The following CALCRL variants were observed in gnomAD, a reference collection of about 807,000 sequenced individuals.
The protein encoded by CALCRL is calcitonin receptor like receptor.
In CALCRL, 27 loss-of-function variants were observed where a neutral mutation model predicts 60.4. That is an observed-to-expected ratio of 0.45 (90% CI 0.33 to 0.62). The LOEUF (loss-of-function observed/expected upper bound fraction) is 0.62. Among genes scored for constraint, CALCRL ranks in the 20% least tolerant of loss-of-function variants. The pLI, the probability that CALCRL is intolerant of heterozygous loss-of-function variation, is 0.03. For missense variants in CALCRL, 424 were observed against 540.7 expected (o/e 0.78, Z 2.14); for synonymous variants, 190 against 182.6 (o/e 1.04, Z -0.33).
At chr2:187,394,251 T>C (rs916126525) in intron 1 of CALCRL, among the ~76,000 whole-genome samples, 28 of 152,138 alleles carry the variant, frequency 1.8e-4, no homozygotes, top group African/African-American at 6.0e-4. Flanking sequence ...CCACAAGGAA[T>C]TGAATTCTGC....
chr2:187,389,430 T>C lies in CALCRL; in HGVS notation c.-292-1674A>G, dbSNP rs113652788. ...TCTTAGTATGAATGAAGATAGATAG[T>C]AACAAGTTAATGTGGCAAACTCAAC... On this transcript the variant is annotated intron_variant, in intron 1 of 14. Transcript: ENST00000392370. Among the ~76,000 whole-genome samples, 569 of 152,208 alleles carry C rather than the reference T, an allele frequency of 3.7e-3. 5 individuals carry two copies. The highest frequency in any genetic ancestry group is 0.013 in the African/African-American group (545 of 41,536).
intron 9 of CALCRL, among the ~76,000 whole-genome samples, chr2:187,362,692 T>C (rs1004016349): frequency 6.6e-6 from 1 of 152,176 alleles, no homozygotes. Flanking sequence ...ATTTTACATA[T>C]GCATATAGCT....
intron 8 of CALCRL, among the ~76,000 whole-genome samples, chr2:187,371,078 T>C (rs1687497548): frequency 1.3e-5 from 2 of 151,928 alleles, no homozygotes; most frequent in African/African-American, 4.8e-5. Context: ...CCGTCTCTAC[T>C]AAAACTACAA....
At chr2:187,366,247 C>A (rs113228294) in intron 8 of CALCRL, among the ~76,000 whole-genome samples, 18,064 of 36,008 alleles carry the variant, frequency 0.5, 1,693 homozygotes, top group East Asian at 0.55. Context: ...GAGACTCCGT[C>A]TCAAAAAAAA....
chr2:187,420,799 T>C (rs868124909), intron 1 of CALCRL, among the ~76,000 whole-genome samples: 1 of 152,162 alleles, frequency 6.6e-6, no homozygotes, highest in African/African-American at 2.4e-5. Flanking sequence ...ACAAATACAG[T>C]AATAATCCAT....
chr2:187,443,339 T>C (rs760672706), intron 1 of CALCRL, among the ~76,000 whole-genome samples: 4 of 151,830 alleles, frequency 2.6e-5, no homozygotes, highest in African/African-American at 9.7e-5. Context: ...TTATTGAATA[T>C]GTACTAAATG....
At chr2:187,401,159 G>A (rs553601610) in intron 1 of CALCRL, among the ~76,000 whole-genome samples, 30 of 151,642 alleles carry the variant, frequency 2.0e-4, no homozygotes, top group African/African-American at 5.8e-4. Flanking sequence ...TGAAGTGTAC[G>A]GGTATAGCTT....
intron 1 of CALCRL, among the ~76,000 whole-genome samples, chr2:187,404,516 T>G (rs1689032155): frequency 6.6e-6 from 1 of 151,480 alleles, no homozygotes; most frequent in East Asian, 1.9e-4. Flanking sequence ...TTTTTTTTTT[T>G]GTAGAAAACA....
chr2:187,358,398 A>T (rs1410866121), intron 12 of CALCRL, among the ~76,000 whole-genome samples: 1 of 152,036 alleles, frequency 6.6e-6, no homozygotes, highest in Non-Finnish European at 1.5e-5. Context: ...AAAAGCATCG[A>T]ATGTGACTTC....
chr2:187,419,010 C>A (rs1487118427), intron 1 of CALCRL, among the ~76,000 whole-genome samples: 1 of 147,048 alleles, frequency 6.8e-6, no homozygotes, highest in Non-Finnish European at 1.5e-5. Context: ...GCACGCACCA[C>A]CACGTCTGGC....
intron 7 of CALCRL, among the ~76,000 whole-genome samples, 159 bp downstream of exon 7, chr2:187,380,307 TC>T (rs1423334947): frequency 6.6e-6 from 1 of 152,224 alleles, no homozygotes; most frequent in Non-Finnish European, 1.5e-5. Flanking sequence ...AATAATTTTT[TC>T]CACGGATATA....
intron 1 of CALCRL, among the ~76,000 whole-genome samples, chr2:187,440,821 A>G (rs1274415768): frequency 4.6e-5 from 7 of 152,158 alleles, no homozygotes; most frequent in Non-Finnish European, 1.5e-5. Context: ...AACATGGAAC[A>G]TAGAACAGGA....
At chr2:187,357,718 C>T (rs1056088402) in intron 12 of CALCRL, among the ~76,000 whole-genome samples, 5 of 151,304 alleles carry the variant, frequency 3.3e-5, no homozygotes, top group South Asian at 2.1e-4. Context: ...GTGGGTGCAG[C>T]GCACCAGCAT....
rs934127081 is a variant in CALCRL, at chr2:187,360,648, G to A, written c.731C>T (p.Ala244Val). Residue 244 changes from alanine to valine, a missense_variant, in exon 10 of 15, where the codon GCC becomes GTC. Ala to Val is a moderately conservative substitution (Grantham distance 64). Coordinates refer to ENST00000392370, the MANE Select transcript of CALCRL (RefSeq NM_005795.6). ...GIYLHTLIVV[A>V]VFAEKQHLMW... ...TAAATGTTGCTTCTCTGCAAACACG[G>A]CCACCACAATGAGTGTGTGTAGGTA... is the stretch of plus-strand genomic sequence containing the variant. 5 of 1,612,138 alleles carry A rather than the reference G, an allele frequency of 3.1e-6. No homozygotes were observed. The highest frequency in any genetic ancestry group is 1.7e-5 in the Admixed American group (1 of 59,768).
intron 1 of CALCRL, among the ~76,000 whole-genome samples, chr2:187,420,065 G>A (rs1464220888): frequency 6.6e-6 from 1 of 151,970 alleles, no homozygotes; most frequent in Non-Finnish European, 1.5e-5. Flanking sequence ...CAAAACCTAG[G>A]AAATGAAACA....
intron 1 of CALCRL, among the ~76,000 whole-genome samples, chr2:187,393,841 T>C (rs1688551374): frequency 6.6e-6 from 1 of 152,058 alleles, no homozygotes; most frequent in Non-Finnish European, 1.5e-5. Flanking sequence ...AAGCATTTTT[T>C]CAAGTTTCCC....
chr2:187,411,615 A>G (rs995399153), intron 1 of CALCRL, among the ~76,000 whole-genome samples: 2 of 152,160 alleles, frequency 1.3e-5, no homozygotes, highest in Admixed American at 6.6e-5. Flanking sequence ...GTCAAAACAT[A>G]GGATAAAGGA....
chr2:187,358,523 C>G (rs1574218483), intron 12 of CALCRL, among the ~76,000 whole-genome samples: 2 of 149,346 alleles, frequency 1.3e-5, no homozygotes, highest in South Asian at 4.5e-4. Flanking sequence ...CACCTCCCAC[C>G]CCCCCCTGCT....
chr2:187,388,895 A>G (rs1219242498), intron 1 of CALCRL, among the ~76,000 whole-genome samples: 2 of 152,112 alleles, frequency 1.3e-5, no homozygotes, highest in Non-Finnish European at 2.9e-5. Flanking sequence ...GGTGTTTAAC[A>G]TAGTACCTGA....
Sources: gnomAD v4.1 joint callset for allele counts (sites outside exome capture counted in the v4.1 genomes callset) on GRCh38, gnomAD v4.1.1 for gene constraint, MANE v1.5 for transcripts, NCBI Gene and HGNC (gene_info 2026-07-23, HGNC 2026-07-21) for gene names.